The following LONRF2 variants were observed in gnomAD, a reference collection of about 807,000 sequenced individuals.
The protein encoded by LONRF2 is LON peptidase N-terminal domain and ring finger 2, also known as LON peptidase N-terminal domain and RING finger protein 2.
A neutral mutation model predicts 66.6 loss-of-function variants in LONRF2; 35 were observed. The observed-to-expected ratio is 0.53, with a 90% CI of 0.40 to 0.70. The LOEUF is 0.70. Ranked by LOEUF, LONRF2 falls within the 30% of genes least tolerant of loss-of-function variation. The pLI, the probability that LONRF2 is intolerant of heterozygous loss-of-function variation, is 0.00. For synonymous variants in LONRF2, 417 were observed against 418.1 expected (o/e 1.00, Z 0.03); for missense variants, 902 against 1,002.1 (o/e 0.90, Z 1.35).
rs778155652 is a variant in LONRF2, at chr2:100,303,039, T to C, written c.803A>G (p.His268Arg). 16 of 1,597,098 alleles carry C rather than the reference T, an allele frequency of 1.0e-5. No individual in the cohort carries two copies. In the Admixed American group the frequency reaches 1.6e-4, roughly 16 times the overall value. Residue 268 changes from histidine to arginine, a missense_variant, in exon 3 of 12, where the codon CAT (histidine) becomes CGT (arginine). By Grantham distance (29) the His-to-Arg change is conservative. Around this residue, in one of 2 missense-constraint regions of LONRF2, gnomAD observed 585 missense variants for 569.9 expected, o/e 1.03. Transcript: ENST00000393437. The stretch of plus-strand genomic sequence containing the variant: ...AGAAAGAGCCTGAGCTTTTACTTGA[T>C]GTCCCTAGATTCACCGAAGACAAAG... ...CQNEPLLIKG[H>R]QVKAQALSGL...
chr2:100,288,760 CATA>C (rs1267485350), intron 10 of LONRF2, among the ~76,000 whole-genome samples: 2 of 152,202 alleles, frequency 1.3e-5, no homozygotes, highest in Non-Finnish European at 2.9e-5. Context: ...TCTCACTTAG[CATA>C]ATGTCTGTGA....
intron 1 of LONRF2, among the ~76,000 whole-genome samples, chr2:100,319,221 A>G (rs908946021): frequency 6.6e-6 from 1 of 152,166 alleles, no homozygotes; most frequent in Admixed American, 6.5e-5. Flanking sequence ...CCTCTTTAAA[A>G]GGGCTAATTT....
rs1048806617 is a variant in LONRF2, at chr2:100,273,563, C to T, written c.*10735G>A. The T allele has an allele frequency of 3.9e-5, 6 of 152,108 alleles. No homozygotes were observed. Among genetic ancestry groups the T allele is most frequent in the African/African-American group, 1.2e-4 (5 of 41,414 alleles). The allele number at this position is 152,108 out of a possible 1,614,324, so 9.4% of individuals were successfully genotyped here. Reference sequence around the variant, plus strand: ...AGTAAATATCATAACATTTAAGTTTCGTCTCACTTAGGCAACAAGAAATGC... The same window carrying T: ...AGTAAATATCATAACATTTAAGTTTTGTCTCACTTAGGCAACAAGAAATGC... On this transcript the variant is annotated 3_prime_UTR_variant, in exon 12 of 12. Coordinates refer to ENST00000393437, the MANE Select transcript of LONRF2 (RefSeq NM_198461.4).
intron 1 of LONRF2, among the ~76,000 whole-genome samples, chr2:100,321,176 G>A (rs890352704): frequency 6.6e-6 from 1 of 152,212 alleles, no homozygotes; most frequent in East Asian, 1.9e-4. Flanking sequence ...TCCGGGGGCC[G>A]CGGGAAACTT....
At position 100,297,337 on chromosome 2, in the gene LONRF2, C is replaced by T. The variant is rs192766172; in HGVS notation, c.1476+1499G>A. 3.4e-3 allele frequency among the ~76,000 whole-genome samples: 523 copies of T among 152,154 alleles called. 2 individuals are homozygous for T. The highest frequency in any genetic ancestry group is 5.6e-3 in the South Asian group (27 of 4,812). On this transcript the variant is annotated intron_variant, in intron 7 of 11. Coordinates refer to ENST00000393437, the MANE Select transcript of LONRF2 (RefSeq NM_198461.4). ...TTTTTTTAGTAGAGACGGGGTTTCACCGTGTTAGCCGGGATGGTCTCTATC... is the reference window on the plus strand; with the variant it reads ...TTTTTTTAGTAGAGACGGGGTTTCATCGTGTTAGCCGGGATGGTCTCTATC...
chr2:100,305,358 G>A (rs907639379), intron 2 of LONRF2, among the ~76,000 whole-genome samples: 12 of 151,802 alleles, frequency 7.9e-5, no homozygotes, highest in African/African-American at 2.7e-4. Context: ...TTCACATGAC[G>A]ACTTCACTCC....
chr2:100,280,050 G>A lies in LONRF2; in HGVS notation c.*4248C>T, dbSNP rs13031712. On this transcript the variant is annotated 3_prime_UTR_variant, in exon 12 of 12. Coordinates refer to ENST00000393437, the MANE Select transcript of LONRF2 (RefSeq NM_198461.4). ...TCAGTTACTTTTATCAGACCTGGGT[G>A]CAAATTCGAGTTTATGTCCCCAACT... The A allele has an allele frequency of 0.62, 94,891 of 151,972 alleles. 30,188 individuals are homozygous for A. The highest frequency in any genetic ancestry group is 0.94 in the East Asian group (4,847 of 5,152). 9.4% of individuals were successfully genotyped at this position (151,972 alleles called of 1,614,324 possible).
rs567727636 is a variant in LONRF2, at chr2:100,287,156, T to A, written c.1921-93A>T. The A allele has an allele frequency of 1.1e-5, 13 of 1,194,394 alleles. No homozygotes were observed. In the South Asian group the frequency reaches 2.6e-4, roughly 24 times the overall value. The allele number at this position is 1,194,394 out of a possible 1,614,324, so 74.0% of individuals were successfully genotyped here. On this transcript the variant is annotated intron_variant, in intron 10 of 11. Transcript: ENST00000393437. ...TCTGCACCTCCACTAAGTGGATTTG[T>A]GGCAGTTAGCATTTTAATAATTCAT...
At chr2:100,291,655 C>T (rs937224805) in intron 9 of LONRF2, among the ~76,000 whole-genome samples, 3 of 152,140 alleles carry the variant, frequency 2.0e-5, no homozygotes, top group African/African-American at 2.4e-5. Flanking sequence ...CCCTAAGGCA[C>T]GGCCCTGCAG....
chr2:100,299,487 G>A (rs1356157933), intron 5 of LONRF2, among the ~76,000 whole-genome samples, 168 bp from the exon 6 acceptor site: 1 of 152,148 alleles, frequency 6.6e-6, no homozygotes, highest in East Asian at 1.9e-4. Context: ...AATTTATCTG[G>A]ATGGTAAGCA....
chr2:100,289,794 T>C (rs1674921186), intron 10 of LONRF2, among the ~76,000 whole-genome samples: 2 of 152,098 alleles, frequency 1.3e-5, no homozygotes, highest in African/African-American at 2.4e-5. Context: ...AAAAATCCAC[T>C]GAGAAAATAA....
intron 7 of LONRF2, among the ~76,000 whole-genome samples, 198 bp from the exon 8 acceptor site, chr2:100,295,751 G>A (rs1675053688): frequency 6.6e-6 from 1 of 152,114 alleles, no homozygotes; most frequent in Non-Finnish European, 1.5e-5. Context: ...CCAGGAGGAG[G>A]CGTTCACCTG....
chr2:100,284,170 G>T lies in LONRF2; in HGVS notation c.*128C>A. The T allele has an allele frequency of 5.0e-6, 4 of 804,182 alleles. No homozygotes were observed. Among genetic ancestry groups the T allele is most frequent in the African/African-American group, 3.5e-5 (2 of 56,704 alleles). The allele number at this position is 804,182 out of a possible 1,614,324, so 49.8% of individuals were successfully genotyped here. ...CATTTTTGAGGAGGACTCAATGTTT[G>T]GCAAGCGTCCCATTTTGGAACCTCA... On this transcript the variant is annotated 3_prime_UTR_variant, in exon 12 of 12. Transcript: ENST00000393437.
In LONRF2 at chr2:100,282,573, C is replaced by T. The variant is rs1202399740; in HGVS notation, c.*1725G>A. ...GATTCAGTTATTCCAATCAAATGAT[C>T]GGGTTAGGTTATAATGCCTAAGAAA... On this transcript the variant is annotated 3_prime_UTR_variant, in exon 12 of 12. Transcript: ENST00000393437. 4 of 152,106 alleles carry T rather than the reference C, an allele frequency of 2.6e-5. No homozygotes were observed. The highest frequency in any genetic ancestry group is 4.4e-5 in the Non-Finnish European group (3 of 68,026). 9.4% of individuals were successfully genotyped at this position (152,106 alleles called of 1,614,324 possible). A position where few individuals can be genotyped will look rare whatever the true frequency, so the allele number is the denominator to read the frequency against.
At chr2:100,295,384 A>G (rs761421980) in intron 8 of LONRF2, 48 bp downstream of exon 8, 8 of 1,562,670 alleles carry the variant, frequency 5.1e-6, no homozygotes, top group Non-Finnish European at 8.7e-7. Flanking sequence ...GAAGTTGACA[A>G]AGTTCAATCT....
Position 100,298,895 on chromosome 2 carries a change from G to A in LONRF2, c.1417C>T (p.Leu473Phe). Residue 473 changes from leucine (L) to phenylalanine (F), a missense_variant, in exon 7 of 12, where the codon CTT becomes TTT. By Grantham distance (22) the Leu-to-Phe change is conservative. Coordinates refer to ENST00000393437, the MANE Select transcript of LONRF2 (RefSeq NM_198461.4). Reference protein sequence around the residue: ...PCGHTFCLKCLERCLDHAPHC... With the variant: ...PCGHTFCLKCFERCLDHAPHC... ...GGGGCGTGGTCAAGGCAGCGCTCAA[G>A]GCATTTTAGGCAAAATGTGTGTCCA... 1 of 1,614,148 alleles carries A rather than the reference G, an allele frequency of 6.2e-7. No homozygotes were observed.
Position 100,321,508 on chromosome 2 carries a change from G to A in LONRF2, c.586C>T (p.Arg196Trp), listed in dbSNP as rs1187055500. The A allele has an allele frequency of 1.3e-6, 2 of 1,548,086 alleles. No homozygotes were observed. The highest frequency in any genetic ancestry group is 1.9e-5 in the Admixed American group (1 of 53,826). Reference protein sequence around the residue: ...LLEKCFPAECRLRRLAGQARS... With the variant: ...LLEKCFPAECWLRRLAGQARS... Reference sequence around the variant, plus strand: ...GCCTGGCCTGCCAGCCTGCGCAGCCGGCACTCGGCCGGGAAGCACTTCTCC... The same window carrying A: ...GCCTGGCCTGCCAGCCTGCGCAGCCAGCACTCGGCCGGGAAGCACTTCTCC... Residue 196 changes from arginine (R) to tryptophan (W), a missense_variant, in exon 1 of 12, where the codon CGG (arginine) becomes TGG (tryptophan). Physicochemically the swap from Arg to Trp is moderately radical, Grantham distance 101. This residue lies in a region of LONRF2 where 585 missense variants were observed against 569.9 expected (regional missense o/e 1.03). Coordinates refer to ENST00000393437, the MANE Select transcript of LONRF2 (RefSeq NM_198461.4).
intron 9 of LONRF2, among the ~76,000 whole-genome samples, chr2:100,292,989 A>G (rs1464330189): frequency 6.6e-6 from 1 of 151,930 alleles, no homozygotes; most frequent in African/African-American, 2.4e-5. Context: ...CCTGTTTCGG[A>G]TCTCTACATT....
chr2:100,307,215 C>T (rs540312999), intron 2 of LONRF2, among the ~76,000 whole-genome samples: 72 of 152,280 alleles, frequency 4.7e-4, no homozygotes, highest in African/African-American at 1.6e-3. Flanking sequence ...CCACCGCGCC[C>T]GGCCTAAACT....
Sources: allele counts gnomAD v4.1 joint callset (sites outside exome capture counted in the v4.1 genomes callset), GRCh38; gene constraint gnomAD v4.1.1; regional missense constraint gnomAD v4.1.1; transcripts MANE v1.5; gene names NCBI Gene and HGNC (gene_info 2026-07-23, HGNC 2026-07-21).